Variants in CPSF3 observed in about 807,000 individuals in gnomAD.
The protein encoded by CPSF3 is cleavage and polyadenylation specificity factor subunit 3.
CPSF3 carries 57 observed loss-of-function variants against 84.1 expected under a neutral mutation model. The observed-to-expected ratio is 0.68, with a 90% confidence interval of 0.55 to 0.85. CPSF3 has a LOEUF of 0.85. Ranked by LOEUF, CPSF3 falls within the 40% of genes least tolerant of loss-of-function variation. CPSF3 has a pLI of 0.00. For missense variants in CPSF3, 522 were observed against 838.8 expected, an observed-to-expected ratio of 0.62 and a Z score of 4.66; for synonymous variants, 275 against 278.1, an observed-to-expected ratio of 0.99 and a Z score of 0.11.
chr2:9,427,522 C>T (rs1358644501), intron 1 of CPSF3, among the ~76,000 whole-genome samples: 2 of 152,004 alleles, frequency 1.3e-5, no homozygotes, highest in East Asian at 3.9e-4. Context: ...AGGGTATCCA[C>T]AATAATTACA....
chr2:9,437,666 A>C (rs1335697962), intron 7 of CPSF3, among the ~76,000 whole-genome samples: 2 of 152,144 alleles, frequency 1.3e-5, no homozygotes, highest in African/African-American at 4.8e-5. Flanking sequence ...CGGTGATTCT[A>C]GTTGGGAAGA....
chr2:9,453,718 C>T (rs1011460760), intron 12 of CPSF3, among the ~76,000 whole-genome samples: 2 of 152,008 alleles, frequency 1.3e-5, no homozygotes, highest in African/African-American at 4.8e-5. Context: ...TGGTGAATCC[C>T]CGTCTCTACT....
rs530282675 is a variant in CPSF3, at chr2:9,430,526, A to G, written c.213-226A>G. 4.6e-5 allele frequency among the ~76,000 whole-genome samples: 7 copies of G among 152,328 alleles called. 1 individual carries two copies. The South Asian group carries it at 1.0e-3, about 23-fold the overall frequency. ...ATTCTTCTTCCTCCCTAATTCACTA[A>G]TAAAGTTTTTTGCTGTTTAAAAACA... On this transcript the variant is annotated intron_variant, in intron 3 of 17. Transcript: ENST00000238112.
In CPSF3 at chr2:9,466,416, GCA is replaced by G. The variant is rs1459143414; in HGVS notation, c.1787-1287_1787-1286del. ...CGCACACACACGCACGCGCACACAC[GCA>G]CACGCGCACACACGCGCACACACAC... On this transcript the variant is annotated intron_variant, in intron 15 of 17. Transcript: ENST00000238112. Among the ~76,000 whole-genome samples, 174 of 141,006 alleles carry G rather than the reference GCA, an allele frequency of 1.2e-3. 1 individual carries two copies. Among genetic ancestry groups the G allele is most frequent in the African/African-American group, 4.7e-3 (165 of 35,130 alleles). The allele number at this position is 141,006 out of a possible 152,430, so 92.5% of individuals were successfully genotyped here. A position where few individuals can be genotyped will look rare whatever the true frequency, so the allele number is the denominator to read the frequency against.
chr2:9,430,891 T>C lies in CPSF3; in HGVS notation c.341+11T>C. 1 of 1,607,208 alleles carries C rather than the reference T, an allele frequency of 6.2e-7. No homozygotes were observed. The highest frequency in any genetic ancestry group is 8.5e-7 in the Non-Finnish European group (1 of 1,174,528). ...TTATGTCAAAGTTAGGTAAATTACT[T>C]TATTAGATTATACACGACTTTGGCT... On this transcript the variant is annotated intron_variant, in intron 4 of 17. Transcript: ENST00000238112.
In CPSF3 at chr2:9,459,620, T is replaced by A; in HGVS notation, c.1786+2T>A. The A allele has an allele frequency of 8.6e-7, 1 of 1,164,058 alleles. No homozygotes were observed. The highest frequency in any genetic ancestry group is 1.2e-6 in the Non-Finnish European group (1 of 812,696). 72.1% of individuals were successfully genotyped at this position (1,164,058 alleles called of 1,614,324 possible). ...AGTCAAATCCCAAAATAAGAAAAGGTAAGAGTTCATTTTTATCCTTTTTTT... is the reference window on the plus strand; with the variant it reads ...AGTCAAATCCCAAAATAAGAAAAGGAAAGAGTTCATTTTTATCCTTTTTTT... On this transcript the variant is annotated splice_donor_variant, in intron 15 of 17. Coordinates refer to ENST00000238112, the MANE Select transcript of CPSF3 (RefSeq NM_016207.4). LOFTEE classifies it high-confidence loss of function.
At chr2:9,446,198 A>T (rs1681118480) in intron 10 of CPSF3, among the ~76,000 whole-genome samples, 1 of 152,190 alleles carries the variant, frequency 6.6e-6, no homozygotes, top group Admixed American at 6.5e-5. Flanking sequence ...CAGTCCCAGC[A>T]CTTTGGGAGG....
rs974819577 is a variant in CPSF3 at position 9,432,774 on chromosome 2, C to G, written c.519+86C>G. 2.9e-6 allele frequency: 3 copies of G among 1,051,466 alleles called. No individual in the cohort carries two copies. The African/African-American group carries it at 4.8e-5, about 17-fold the overall frequency. The allele number at this position is 1,051,466 out of a possible 1,614,324, so 65.1% of individuals were successfully genotyped here. ...AAGTACTATTAAAAAAAAAAATTCCCTAAGACTTGCAAAGTGTCAGAACAC... is the reference window on the plus strand; with the variant it reads ...AAGTACTATTAAAAAAAAAAATTCCGTAAGACTTGCAAAGTGTCAGAACAC... On this transcript the variant is annotated intron_variant, in intron 5 of 17. Coordinates refer to ENST00000238112, the MANE Select transcript of CPSF3 (RefSeq NM_016207.4).
intron 10 of CPSF3, among the ~76,000 whole-genome samples, chr2:9,444,514 A>C (rs1325560934): frequency 6.6e-6 from 1 of 152,144 alleles, no homozygotes; most frequent in African/African-American, 2.4e-5. Flanking sequence ...AAGCTGAAAA[A>C]AGTGTGTATT....
intron 12 of CPSF3, among the ~76,000 whole-genome samples, chr2:9,453,625 G>A (rs1477349015): frequency 6.6e-6 from 1 of 152,176 alleles, no homozygotes; most frequent in Non-Finnish European, 1.5e-5. Context: ...GGGTGCAGTA[G>A]CTCACGCCTG....
chr2:9,445,131 A>G (rs1681088178), intron 10 of CPSF3, among the ~76,000 whole-genome samples: 1 of 152,190 alleles, frequency 6.6e-6, no homozygotes. Context: ...CTCCAAGCAG[A>G]AACTCTGTAC....
At chr2:9,446,542 C>CT (rs1265704921) in intron 10 of CPSF3, among the ~76,000 whole-genome samples, 3 of 142,608 alleles carry the variant, frequency 2.1e-5, no homozygotes, top group Non-Finnish European at 4.5e-5. Context: ...GATCACGCCA[C>CT]TAGACTCTAG....
chr2:9,432,581 A>G lies in CPSF3; in HGVS notation c.412A>G (p.Ile138Val), dbSNP rs1053994239. ...LEESMDKIET[I>V]NFHEVKEVAG... The stretch of plus-strand genomic sequence containing the variant: ...AGAAAGCATGGACAAAATTGAAACT[A>G]TCAACTTTCATGAAGTTAAGGAAGT... Residue 138 changes from isoleucine to valine, a missense_variant, in exon 5 of 18, where the codon ATC becomes GTC. By Grantham distance (29) the Ile-to-Val change is conservative. This residue lies in a region of CPSF3 where 329 missense variants were observed against 607.2 expected (regional missense o/e 0.54). Coordinates refer to ENST00000238112, the MANE Select transcript of CPSF3 (RefSeq NM_016207.4). 3 of 1,572,604 alleles carry G rather than the reference A, an allele frequency of 1.9e-6. No homozygotes were observed. Among genetic ancestry groups the G allele is most frequent in the Non-Finnish European group, 1.7e-6 (2 of 1,150,360 alleles).
intron 14 of CPSF3, among the ~76,000 whole-genome samples, chr2:9,458,156 C>A (rs987579399): frequency 2.0e-5 from 3 of 152,176 alleles, no homozygotes; most frequent in Non-Finnish European, 2.9e-5. Context: ...GTAATCCCAG[C>A]ACTTTGGGAG....
chr2:9,428,635 C>T (rs1015593260), intron 1 of CPSF3, 130 bp from the exon 2 acceptor site: 5 of 633,118 alleles, frequency 7.9e-6, no homozygotes, highest in South Asian at 1.9e-5. Context: ...AACTCTCTTA[C>T]GTCTCAGAAT....
At chr2:9,429,087 TC>T (rs1477631989) in intron 2 of CPSF3, among the ~76,000 whole-genome samples, 1 of 152,222 alleles carries the variant, frequency 6.6e-6, no homozygotes, top group Non-Finnish European at 1.5e-5. Context: ...CCTCTTCCAC[TC>T]CTGAAGGGTT....
intron 10 of CPSF3, among the ~76,000 whole-genome samples, chr2:9,447,825 G>A (rs1681176737): frequency 6.6e-6 from 1 of 152,078 alleles, no homozygotes; most frequent in Non-Finnish European, 1.5e-5. Flanking sequence ...AGACAGTAGG[G>A]TAGCAATAGT....
At chr2:9,450,147 ATTT>A (rs750560891) in intron 11 of CPSF3, among the ~76,000 whole-genome samples, 1 of 122,682 alleles carries the variant, frequency 8.2e-6, no homozygotes, top group African/African-American at 3.0e-5. Flanking sequence ...ACAGGCACAA[ATTT>A]TTTTTTTTTT....
chr2:9,447,405 G>A (rs942106463), intron 10 of CPSF3, among the ~76,000 whole-genome samples: 1 of 152,008 alleles, frequency 6.6e-6, no homozygotes, highest in Non-Finnish European at 1.5e-5. Context: ...CTTGATCCCT[G>A]GAGGTTGAGG....
Sources: gnomAD v4.1 joint callset for allele counts (sites outside exome capture counted in the v4.1 genomes callset) on GRCh38, gnomAD v4.1.1 for gene constraint, gnomAD v4.1.1 regional missense constraint, MANE v1.5 for transcripts, NCBI Gene and HGNC (gene_info 2026-07-23, HGNC 2026-07-21) for gene names.